The following MGMT variants were observed in gnomAD, a reference collection of about 807,000 sequenced individuals.
MGMT encodes O-6-methylguanine-DNA methyltransferase, also known as methylated-DNA--protein-cysteine methyltransferase.
In MGMT, 14 loss-of-function variants were observed where a neutral mutation model predicts 15.9. The observed-to-expected ratio is 0.88, with a 90% CI of 0.58 to 1.37. The LOEUF is 1.37. Among genes scored for constraint, MGMT ranks in the 40% most tolerant of loss-of-function variants. MGMT has a pLI of 0.00. For synonymous variants in MGMT, 130 were observed against 118.2 expected (o/e 1.10, Z -0.65); for missense variants, 282 against 268.1 (o/e 1.05, Z -0.36).
intron 1 of MGMT, among the ~76,000 whole-genome samples, chr10:129,468,500 A>C (rs1262024119): frequency 6.6e-6 from 1 of 151,944 alleles, no homozygotes; most frequent in Non-Finnish European, 1.5e-5. Context: ...ATAGTGGAGT[A>C]GTGTCTGCCA....
chr10:129,708,098 A>C (rs1848189187), intron 3 of MGMT, 55 bp downstream of exon 3: 4 of 1,548,994 alleles, frequency 2.6e-6, no homozygotes, highest in Non-Finnish European at 3.5e-6. Flanking sequence ...CTTATTAACG[A>C]TCGCTGACAT....
chr10:129,676,452 C>A (rs875431), intron 2 of MGMT, among the ~76,000 whole-genome samples: 1 of 152,156 alleles, frequency 6.6e-6, no homozygotes, highest in South Asian at 2.1e-4. Context: ...GGCCAGTGTT[C>A]TTCTGTGAAG....
At chr10:129,719,221 C>T (rs1281732858) in intron 3 of MGMT, among the ~76,000 whole-genome samples, 1 of 152,016 alleles carries the variant, frequency 6.6e-6, no homozygotes, top group Admixed American at 6.5e-5. Flanking sequence ...AGAGCTGGTC[C>T]GTGTGTCCAC....
chr10:129,539,017 T>C (rs1214836860), intron 2 of MGMT, among the ~76,000 whole-genome samples: 1 of 152,230 alleles, frequency 6.6e-6, no homozygotes, highest in Non-Finnish European at 1.5e-5. Context: ...TGTAAGACTT[T>C]TGTCAGATGT....
chr10:129,686,767 A>G (rs1182460502), intron 2 of MGMT, among the ~76,000 whole-genome samples: 1 of 152,168 alleles, frequency 6.6e-6, no homozygotes, highest in Admixed American at 6.5e-5. Flanking sequence ...CGAACAAGTG[A>G]TGGTTCAGAA....
chr10:129,732,026 C>T (rs1474134473), intron 3 of MGMT, among the ~76,000 whole-genome samples: 1 of 152,180 alleles, frequency 6.6e-6, no homozygotes, highest in Non-Finnish European at 1.5e-5. Context: ...TCACAAACCC[C>T]CTAAAGGGGT....
chr10:129,720,559 C>G (rs183248805), intron 3 of MGMT, among the ~76,000 whole-genome samples: 8 of 152,320 alleles, frequency 5.3e-5, no homozygotes, highest in South Asian at 2.1e-4. Flanking sequence ...AAAATGGACT[C>G]TTAGGAAGGC....
chr10:129,666,564 T>G (rs2133109383), intron 2 of MGMT, among the ~76,000 whole-genome samples: 1 of 152,354 alleles, frequency 6.6e-6, no homozygotes, highest in Non-Finnish European at 1.5e-5. Context: ...AAATTACTAA[T>G]TTATTATTTC....
At chr10:129,711,203 A>G (rs1848229248) in intron 3 of MGMT, among the ~76,000 whole-genome samples, 1 of 152,200 alleles carries the variant, frequency 6.6e-6, no homozygotes, top group Non-Finnish European at 1.5e-5. Flanking sequence ...TGGAACGAAC[A>G]TGCTGTTTGT....
At chr10:129,557,850 T>A (rs78802081) in intron 2 of MGMT, among the ~76,000 whole-genome samples, 5,001 of 152,334 alleles carry the variant, frequency 0.033, 133 homozygotes, top group South Asian at 0.065. Context: ...AATCAATGCA[T>A]ATTTGGGAAG....
chr10:129,749,975 TC>T (rs1848735170), intron 3 of MGMT, among the ~76,000 whole-genome samples: 1 of 152,182 alleles, frequency 6.6e-6, no homozygotes, highest in Non-Finnish European at 1.5e-5. Context: ...TTGACTTTTT[TC>T]TTGTTGAATT....
Position 129,556,339 on chromosome 10 carries a change from AC to A in MGMT, c.125+19965del, listed in dbSNP as rs1173063986. On this transcript the variant is annotated intron_variant, in intron 2 of 4. Transcript: ENST00000651593. The surrounding 1 kb of genome is among the most constrained non-coding windows in gnomAD (Gnocchi z 4.3). ...CTCAGGGTCATTAGAGGAGCCCCTC[AC>A]CCAGTGTGACCGGTGTCCCCATGAG... Among the ~76,000 whole-genome samples, 4 of 152,150 alleles carry A rather than the reference AC, an allele frequency of 2.6e-5. No homozygotes were observed. Among genetic ancestry groups the A allele is most frequent in the African/African-American group, 9.7e-5 (4 of 41,428 alleles).
chr10:129,651,457 G>A (rs1465514836), intron 2 of MGMT, among the ~76,000 whole-genome samples: 1 of 151,888 alleles, frequency 6.6e-6, no homozygotes, highest in Non-Finnish European at 1.5e-5. Context: ...AAAGTGAAAT[G>A]TAAAGTATTA....
At chr10:129,552,121 A>AGG (rs1189521787) in intron 2 of MGMT, among the ~76,000 whole-genome samples, 7 of 152,212 alleles carry the variant, frequency 4.6e-5, no homozygotes, top group Admixed American at 4.6e-4. Flanking sequence ...TGACCCACTA[A>AGG]GGGGGACCTG....
At chr10:129,529,812 C>T (rs899315013) in intron 1 of MGMT, among the ~76,000 whole-genome samples, 1 of 149,560 alleles carries the variant, frequency 6.7e-6, no homozygotes, top group African/African-American at 2.4e-5. Flanking sequence ...GTAACATTAG[C>T]TTTTTTTTGT....
rs1848365587 is a variant in MGMT, at chr10:129,721,069, T to C, written c.274+13026T>C. 1.3e-5 allele frequency among the ~76,000 whole-genome samples: 2 copies of C among 152,194 alleles called. 1 individual carries two copies. The highest frequency in any genetic ancestry group is 2.9e-5 in the Non-Finnish European group (2 of 67,978). ...GTTGAGCACATTGATGGCAAGTTGA[T>C]AGTTTCGTTATTATGAAATATTTAC... On this transcript the variant is annotated intron_variant, in intron 3 of 4. Transcript: ENST00000651593.
At chr10:129,647,792 A>G (rs564900506) in intron 2 of MGMT, among the ~76,000 whole-genome samples, 1 of 152,360 alleles carries the variant, frequency 6.6e-6, no homozygotes, top group East Asian at 1.9e-4. Context: ...TTGATTTGAC[A>G]GAACGGTTCA....
intron 2 of MGMT, among the ~76,000 whole-genome samples, chr10:129,580,293 G>C (rs1026178046): frequency 1.3e-5 from 2 of 152,204 alleles, no homozygotes; most frequent in African/African-American, 4.8e-5. Context: ...TGTGTCAGGA[G>C]CCTTGGAAGT....
chr10:129,580,138 G>T (rs1322295121), intron 2 of MGMT, among the ~76,000 whole-genome samples: 1 of 152,186 alleles, frequency 6.6e-6, no homozygotes, highest in Non-Finnish European at 1.5e-5. Flanking sequence ...AAGCCATAGG[G>T]TGTGTTGCCG....
Sources: gnomAD v4.1 joint callset for allele counts (sites outside exome capture counted in the v4.1 genomes callset) on GRCh38, gnomAD v4.1.1 for gene constraint, Gnocchi (gnomAD v3.1) non-coding constraint, MANE v1.5 for transcripts, NCBI Gene and HGNC (gene_info 2026-07-23, HGNC 2026-07-21) for gene names.